Variants in TMUB2 observed in about 807,000 individuals in gnomAD.
The protein encoded by TMUB2 is transmembrane and ubiquitin-like domain-containing protein 2.
A neutral mutation model predicts 20.2 loss-of-function variants in TMUB2; 19 were observed. The observed-to-expected ratio is 0.94, with a 90% CI of 0.66 to 1.38. The LOEUF (loss-of-function observed/expected upper bound fraction) is 1.38. Ranked by LOEUF, TMUB2 falls within the 40% of genes most tolerant of loss-of-function variation. TMUB2 has a pLI of 0.00. For missense variants in TMUB2, 426 were observed against 402.5 expected (o/e 1.06, Z -0.50); for synonymous variants, 186 against 166.0 (o/e 1.12, Z -0.92).
Position 44,189,462 on chromosome 17 carries a change from T to C in TMUB2, c.476T>C (p.Leu159Pro), listed in dbSNP as rs2055033180. Residue 159 changes from leucine to proline, a missense_variant, in exon 3 of 4, where the codon CTG (leucine) becomes CCG (proline). Transcript: ENST00000538716. Reference protein sequence around the residue: ...GAGSSSPEAPLRSEDSTCLPP... With the variant: ...GAGSSSPEAPPRSEDSTCLPP... Reference sequence around the variant, plus strand: ...GGCAGCAGCAGTCCAGAGGCCCCCCTGAGATCTGAGGATAGCACCTGCCTC... The same window carrying C: ...GGCAGCAGCAGTCCAGAGGCCCCCCCGAGATCTGAGGATAGCACCTGCCTC... 3 of 1,611,790 alleles carry C rather than the reference T, an allele frequency of 1.9e-6. No homozygotes were observed. The highest frequency in any genetic ancestry group is 1.7e-5 in the Admixed American group (1 of 60,000).
chr17:44,190,985 C>T lies in TMUB2; in HGVS notation c.*121C>T, dbSNP rs550502439. 2.7e-6 allele frequency: 4 copies of T among 1,493,144 alleles called. No individual in the cohort carries two copies. The East Asian group carries it at 6.8e-5, about 25-fold the overall frequency. 92.5% of individuals were successfully genotyped at this position (1,493,144 alleles called of 1,614,324 possible). A position where few individuals can be genotyped will look rare whatever the true frequency, so the allele number is the denominator to read the frequency against. ...GTGGAAAGGATGTGATGGAAATCTC[C>T]TCCATAGGACACAGGAGGCAAGTAT... On this transcript the variant is annotated 3_prime_UTR_variant, in exon 4 of 4. Coordinates refer to ENST00000538716, the MANE Select transcript of TMUB2 (RefSeq NM_001076674.3).
chr17:44,191,439 A>T lies in TMUB2; in HGVS notation c.*575A>T, dbSNP rs1025188854. ...GGAATAGGGTGTCCTCCCTTCTTTC[A>T]AAGCACTTTGCTTGCATTTTATTTT... On this transcript the variant is annotated 3_prime_UTR_variant, in exon 4 of 4. Transcript: ENST00000538716. 10 of 985,850 alleles carry T rather than the reference A, an allele frequency of 1.0e-5. No homozygotes were observed. The African/African-American group carries it at 1.4e-4, about 14-fold the overall frequency. The allele number at this position is 985,850 out of a possible 1,614,324, so 61.1% of individuals were successfully genotyped here.
chr17:44,189,707 G>A, intron 3 of TMUB2, 119 bp downstream of exon 3: 2 of 960,406 alleles, frequency 2.1e-6, no homozygotes, highest in Non-Finnish European at 1.5e-6. Flanking sequence ...CCCCTACCAA[G>A]GGCAGGTAGA....
At chr17:44,187,957 A>G (rs1172944392) in intron 2 of TMUB2, 4 of 573,186 alleles carry the variant, frequency 7.0e-6, no homozygotes, top group Admixed American at 3.1e-5. Context: ...TTCAGTACCA[A>G]GAGAAATACA....
intron 3 of TMUB2, 98 bp downstream of exon 3, chr17:44,189,686 G>GT: frequency 5.1e-6 from 6 of 1,167,380 alleles, no homozygotes; most frequent in Non-Finnish European, 7.1e-6. Flanking sequence ...GCAGCAAAGT[G>GT]TAAGATCCAG....
rs2054945285 is a variant in TMUB2 at position 44,189,119 on chromosome 17, C to G, written c.133C>G (p.Leu45Val). The change falls in exon 3 of 4, where the codon CTG (leucine) becomes GTG (valine). Residue 45 changes from leucine to valine, a missense_variant. Physicochemically the swap from Leu to Val is conservative, Grantham distance 32 (BLOSUM62 1). Coordinates refer to ENST00000538716, the MANE Select transcript of TMUB2 (RefSeq NM_001076674.3). The part of the protein sequence containing the change: ...EVMVVAGVVV[L>V]ILALVLAWLS... ...GATGGTGGTGGCAGGTGTGGTGGTG[C>G]TGATTCTAGCCTTGGTCCTAGCTTG... 6.2e-7 allele frequency: 1 copy of G among 1,614,032 alleles called. No homozygotes were observed. Among genetic ancestry groups the G allele is most frequent in the African/African-American group, 1.3e-5 (1 of 74,992 alleles).
At position 44,191,058 on chromosome 17, in the gene TMUB2, G is replaced by A. The variant is rs760102791; in HGVS notation, c.*194G>A. The stretch of plus-strand genomic sequence containing the variant: ...AGGAGTACAGATGTCCCTCCCGTGC[G>A]AGCACAACTCAGGTAGAAATGAGGA... On this transcript the variant is annotated 3_prime_UTR_variant, in exon 4 of 4. Coordinates refer to ENST00000538716, the MANE Select transcript of TMUB2 (RefSeq NM_001076674.3). 1.9e-4 allele frequency: 268 copies of A among 1,391,426 alleles called. No homozygotes were observed. The highest frequency in any genetic ancestry group is 2.4e-4 in the Non-Finnish European group (253 of 1,076,360). The allele number at this position is 1,391,426 out of a possible 1,614,324, so 86.2% of individuals were successfully genotyped here.
Position 44,190,825 on chromosome 17 carries a change from C to T in TMUB2, c.927C>T (p.Val309=), listed in dbSNP as rs763556579. ...PATVSLVGVT[V]FFSFLVFGMY... Reference sequence around the variant, plus strand: ...CTGTCTCCCTGGTGGGAGTCACCGTCTTCTTCAGCTTCCTAGTATTTGGGA... The same window carrying T: ...CTGTCTCCCTGGTGGGAGTCACCGTTTTCTTCAGCTTCCTAGTATTTGGGA... The change falls in exon 4 of 4, where the codon GTC becomes GTT. Residue 309 remains valine, a synonymous_variant. Transcript: ENST00000538716. 1.9e-6 allele frequency: 3 copies of T among 1,613,856 alleles called. No homozygotes were observed. Among genetic ancestry groups the T allele is most frequent in the Non-Finnish European group, 2.5e-6 (3 of 1,179,856 alleles).
Position 44,191,128 on chromosome 17 carries a change from C to G in TMUB2, c.*264C>G, listed in dbSNP as rs1026000345. The G allele has an allele frequency of 2.5e-6, 3 of 1,196,974 alleles. No homozygotes were observed. The African/African-American group carries it at 4.7e-5, about 19-fold the overall frequency. The allele number at this position is 1,196,974 out of a possible 1,614,324, so 74.1% of individuals were successfully genotyped here. The stretch of plus-strand genomic sequence containing the variant: ...TAGGGTCCTCTGAAGGAGTTCAAAG[C>G]TGCTGGCCAAGCTCAGTGGGGAGCC... On this transcript the variant is annotated 3_prime_UTR_variant, in exon 4 of 4. Transcript: ENST00000538716.
At chr17:44,187,247 C>T (rs935890909) in intron 1 of TMUB2, 138 bp downstream of exon 1, 4 of 166,412 alleles carry the variant, frequency 2.4e-5, no homozygotes, top group Non-Finnish European at 4.0e-5. Flanking sequence ...TTGTGACCCC[C>T]TTAGCCGACC....
chr17:44,191,179 G>T lies in TMUB2; in HGVS notation c.*315G>T, dbSNP rs2055524413. 8.9e-7 allele frequency: 1 copy of T among 1,121,714 alleles called. No individual in the cohort carries two copies. The highest frequency in any genetic ancestry group is 2.5e-5 in the South Asian group (1 of 39,566). 69.5% of individuals were successfully genotyped at this position (1,121,714 alleles called of 1,614,324 possible). ...TGGGCTCTGAGATTCCCTCCCACCTGTGGTTCTGACTCTTCCCAGTGTCCT... is the reference window on the plus strand; with the variant it reads ...TGGGCTCTGAGATTCCCTCCCACCTTTGGTTCTGACTCTTCCCAGTGTCCT... On this transcript the variant is annotated 3_prime_UTR_variant, in exon 4 of 4. Transcript: ENST00000538716.
At chr17:44,187,988 A>T in intron 2 of TMUB2, 1 of 540,100 alleles carries the variant, frequency 1.9e-6, no homozygotes, top group Non-Finnish European at 3.3e-6. Context: ...GTCTACCAGG[A>T]GTCTAATAGA....
rs773566747 is a variant in TMUB2 at position 44,190,460 on chromosome 17, C to G, written c.603-41C>G. 3.2e-6 allele frequency: 5 copies of G among 1,546,912 alleles called. No homozygotes were observed. In the South Asian group the frequency reaches 5.0e-5, roughly 16 times the overall value. On this transcript the variant is annotated intron_variant, in intron 3 of 3. Coordinates refer to ENST00000538716, the MANE Select transcript of TMUB2 (RefSeq NM_001076674.3). ...TCCAGGCCTGTTTGCCTTCTCATTCCTCACCCTCTATCTTTTCTTCCATGT... is the reference window on the plus strand; with the variant it reads ...TCCAGGCCTGTTTGCCTTCTCATTCGTCACCCTCTATCTTTTCTTCCATGT...
rs1466004758 is a variant in TMUB2 at position 44,191,108 on chromosome 17, T to G, written c.*244T>G. On this transcript the variant is annotated 3_prime_UTR_variant, in exon 4 of 4. Transcript: ENST00000538716. ...ATGTCATCTTCCTTCACTTTTAGGG[T>G]CCTCTGAAGGAGTTCAAAGCTGCTG... The G allele has an allele frequency of 1.3e-5, 16 of 1,259,180 alleles. No individual in the cohort carries two copies. Among genetic ancestry groups the G allele is most frequent in the Non-Finnish European group, 1.6e-5 (16 of 996,936 alleles). The allele number at this position is 1,259,180 out of a possible 1,614,324, so 78.0% of individuals were successfully genotyped here.
chr17:44,187,771 C>T (rs149647542), intron 2 of TMUB2, 28 bp downstream of exon 2: 442 of 718,484 alleles, frequency 6.2e-4, no homozygotes, highest in Middle Eastern at 2.7e-3. Flanking sequence ...CCCCATTTTA[C>T]TGATGAGAAA....
At chr17:44,187,383 CT>C (rs965333110) in intron 1 of TMUB2, 1 of 358,268 alleles carries the variant, frequency 2.8e-6, no homozygotes, top group Non-Finnish European at 5.2e-6. Context: ...AAAGCGGAAC[CT>C]TCGCCTCAGA....
rs1423688156 is a variant in TMUB2 at position 44,190,922 on chromosome 17, C to T, written c.*58C>T. Reference sequence around the variant, plus strand: ...TCTCCTTTACGGCCTCCCCACTTTTCCTGGCCAGAGCTGGGCCCAAGGGCC... The same window carrying T: ...TCTCCTTTACGGCCTCCCCACTTTTTCTGGCCAGAGCTGGGCCCAAGGGCC... On this transcript the variant is annotated 3_prime_UTR_variant, in exon 4 of 4. Coordinates refer to ENST00000538716, the MANE Select transcript of TMUB2 (RefSeq NM_001076674.3). The T allele has an allele frequency of 1.9e-6, 3 of 1,539,832 alleles. No homozygotes were observed. The highest frequency in any genetic ancestry group is 2.6e-6 in the Non-Finnish European group (3 of 1,145,696).
chr17:44,190,677 CCA>C lies in TMUB2; in HGVS notation c.781_782del (p.Thr261Ter). 1 of 1,614,236 alleles carries C rather than the reference CCA, an allele frequency of 6.2e-7. No individual in the cohort carries two copies. Among genetic ancestry groups the C allele is most frequent in the Non-Finnish European group, 8.5e-7 (1 of 1,180,034 alleles). ...CCCTCAGCCTCCTTGGCCCCCTCGGCCACTGAGCCACCCAGCCTTGGTGTCAA... is the reference window on the plus strand; with the variant it reads ...CCCTCAGCCTCCTTGGCCCCCTCGGCCTGAGCCACCCAGCCTTGGTGTCAA... On this transcript the variant is annotated frameshift_variant, in exon 4 of 4. Coordinates refer to ENST00000538716, the MANE Select transcript of TMUB2 (RefSeq NM_001076674.3). LOFTEE classifies it high-confidence loss of function.
chr17:44,187,634 GATAA>G (rs2054645250), intron 1 of TMUB2, 38 bp from the exon 2 acceptor site: 7 of 714,794 alleles, frequency 9.8e-6, no homozygotes, highest in South Asian at 5.9e-5. Flanking sequence ...TTGTGGTTGT[GATAA>G]ATAATTACTA....
Sources: gnomAD v4.1 joint callset for allele counts on GRCh38, gnomAD v4.1.1 for gene constraint, MANE v1.5 for transcripts, NCBI Gene and HGNC (gene_info 2026-07-23, HGNC 2026-07-21) for gene names.